Variants in SGCD observed in about 807,000 individuals in gnomAD.
The protein encoded by SGCD is delta-sarcoglycan.
In SGCD, 18 loss-of-function variants were observed where a neutral mutation model predicts 36.6. The ratio of observed to expected loss-of-function variants is 0.49; its 90% confidence interval spans 0.34 to 0.73. The LOEUF is 0.73. Among genes scored for constraint, SGCD ranks in the 30% least tolerant of loss-of-function variants. The pLI, the probability that SGCD is intolerant of heterozygous loss-of-function variation, is 0.01. For synonymous variants in SGCD, 133 were observed against 130.6 expected (o/e 1.02, Z -0.12); for missense variants, 387 against 346.7 (o/e 1.12, Z -0.92).
chr5:156,126,432 G>A (rs994549816), intron 3 of SGCD, among the ~76,000 whole-genome samples: 1 of 152,170 alleles, frequency 6.6e-6, no homozygotes, highest in African/African-American at 2.4e-5. Flanking sequence ...TTAGAGACCA[G>A]TCGACCATTA....
At chr5:156,078,154 TAC>T (rs1465048332) in intron 1 of SGCD, among the ~76,000 whole-genome samples, 2 of 152,082 alleles carry the variant, frequency 1.3e-5, no homozygotes, top group East Asian at 3.9e-4. Flanking sequence ...TTTGCTGTAC[TAC>T]AGTTTGCTTA....
chr5:156,432,171 C>G (rs1309267041), intron 3 of SGCD, among the ~76,000 whole-genome samples: 3 of 152,164 alleles, frequency 2.0e-5, no homozygotes, highest in Non-Finnish European at 4.4e-5. Flanking sequence ...ATGGAGGTAG[C>G]AGGGGAGTGA....
At chr5:155,766,453 A>T in the SGCD span, among the ~76,000 whole-genome samples, 2 of 152,110 alleles carry the variant, frequency 1.3e-5, no homozygotes, top group African/African-American at 4.8e-5. Context: ...TACCTGCTAG[A>T]CTAGCTATGG....
chr5:156,004,880 C>T (rs145085706), intron 1 of SGCD, among the ~76,000 whole-genome samples: 1,566 of 152,210 alleles, frequency 0.01, 26 homozygotes, highest in African/African-American at 0.036. Flanking sequence ...CAGGAGTGCA[C>T]GGGGCTGGGA....
intron 3 of SGCD, among the ~76,000 whole-genome samples, chr5:156,402,843 C>T (rs905797360): frequency 6.6e-6 from 1 of 152,132 alleles, no homozygotes; most frequent in African/African-American, 2.4e-5. Context: ...TTGATGCGGT[C>T]ACCATGGTTA....
At position 155,958,023 on chromosome 5, in the gene SGCD, C is replaced by T. The variant is rs117469846; in HGVS notation, c.-282+87599C>T. On this transcript the variant is annotated intron_variant, in intron 1 of 9. Transcript: ENST00000517913. The stretch of plus-strand genomic sequence containing the variant: ...AAGGAAAGTCAACAGCTGGGAGGTG[C>T]CAAGGGCTTGAAAAGAGAGACAACG... Among the ~76,000 whole-genome samples the T allele has an allele frequency of 5.9e-4, 90 of 152,002 alleles. No individual in the cohort carries two copies. The East Asian group carries it at 0.014, about 24-fold the overall frequency.
intron 3 of SGCD, among the ~76,000 whole-genome samples, chr5:156,469,977 A>C (rs1754883626): frequency 6.6e-6 from 1 of 152,234 alleles, no homozygotes; most frequent in Admixed American, 6.5e-5. Flanking sequence ...TAAACTTAGA[A>C]AATATGCTGA....
intron 3 of SGCD, among the ~76,000 whole-genome samples, chr5:156,501,074 G>C (rs949639020): frequency 2.0e-5 from 3 of 152,168 alleles, no homozygotes; most frequent in Non-Finnish European, 2.9e-5. Context: ...GGCGAGGCTG[G>C]AGTGCTACAG....
intron 1 of SGCD, among the ~76,000 whole-genome samples, chr5:156,042,608 G>C (rs898797552): frequency 2.0e-5 from 3 of 152,154 alleles, no homozygotes; most frequent in African/African-American, 7.2e-5. Context: ...CCTGGAAGTG[G>C]GTGCTGCTGA....
At chr5:156,233,964 T>C (rs1165295871) in intron 3 of SGCD, among the ~76,000 whole-genome samples, 4 of 152,228 alleles carry the variant, frequency 2.6e-5, no homozygotes, top group South Asian at 2.1e-4. Context: ...TGTAAAAAAT[T>C]GTTAAATTGT....
chr5:156,264,202 A>G (rs962824910), intron 3 of SGCD, among the ~76,000 whole-genome samples: 1 of 152,150 alleles, frequency 6.6e-6, no homozygotes, highest in Non-Finnish European at 1.5e-5. Context: ...TTTTCCAGAA[A>G]TAAAGTCAGG....
At chr5:156,757,537 A>G (rs746351710) in intron 7 of SGCD, 44 bp from the exon 8 acceptor site, 3 of 1,257,016 alleles carry the variant, frequency 2.4e-6, no homozygotes, top group Non-Finnish European at 3.4e-6. Context: ...GTATTTATTA[A>G]AAAGAAAAAG....
At chr5:156,559,847 C>T (rs1759197448) in intron 4 of SGCD, among the ~76,000 whole-genome samples, 1 of 152,186 alleles carries the variant, frequency 6.6e-6, no homozygotes, top group Non-Finnish European at 1.5e-5. Context: ...GAATTTTGAG[C>T]TTCAGATTCT....
At chr5:156,065,476 A>G (rs1463556172) in intron 1 of SGCD, among the ~76,000 whole-genome samples, 1 of 104,600 alleles carries the variant, frequency 9.6e-6, no homozygotes, top group Non-Finnish European at 1.9e-5. Flanking sequence ...GCTGAGTTCA[A>G]TTCCTGGGTA....
intron 4 of SGCD, among the ~76,000 whole-genome samples, chr5:156,545,921 T>G (rs142614928): frequency 2.7e-3 from 412 of 152,288 alleles, no homozygotes; most frequent in Non-Finnish European, 4.8e-3. Flanking sequence ...TAGCTCCAAG[T>G]TTTATGACAA....
At chr5:155,797,406 A>G in the SGCD span, among the ~76,000 whole-genome samples, 1 of 152,258 alleles carries the variant, frequency 6.6e-6, no homozygotes, top group Non-Finnish European at 1.5e-5. Flanking sequence ...ATCCTGAATT[A>G]TAAAATAAAA....
At chr5:156,471,024 A>T (rs1754938494) in intron 3 of SGCD, among the ~76,000 whole-genome samples, 1 of 152,198 alleles carries the variant, frequency 6.6e-6, no homozygotes, top group South Asian at 2.1e-4. Context: ...TTTTGAATAA[A>T]GGGATTTAAC....
chr5:156,433,084 C>T (rs2127789124), intron 3 of SGCD, among the ~76,000 whole-genome samples: 1 of 152,236 alleles, frequency 6.6e-6, no homozygotes. Context: ...TATTTTGAAC[C>T]ACAGATCAAA....
intron 6 of SGCD, among the ~76,000 whole-genome samples, chr5:156,626,326 T>C (rs1413581110): frequency 6.6e-6 from 1 of 152,228 alleles, no homozygotes; most frequent in East Asian, 1.9e-4. Context: ...TTTCTCCCTC[T>C]GTAGTGCCCG....
Sources: gnomAD v4.1 joint callset for allele counts (sites outside exome capture counted in the v4.1 genomes callset) on GRCh38, gnomAD v4.1.1 for gene constraint, MANE v1.5 for transcripts, NCBI Gene and HGNC (gene_info 2026-07-23, HGNC 2026-07-21) for gene names.